The following TFDP2 variants were observed in gnomAD, a reference collection of about 807,000 sequenced individuals.
TFDP2 encodes transcription factor Dp-2.
TFDP2 carries 17 observed loss-of-function variants against 59.3 expected under a neutral mutation model. The observed-to-expected ratio is 0.29, with a 90% CI of 0.20 to 0.43. The LOEUF is 0.43. TFDP2 is among the 20% of genes least tolerant of loss of function. The pLI is 1.00. For synonymous variants in TFDP2, 180 were observed against 194.7 expected (o/e 0.92, Z 0.63); for missense variants, 391 against 528.8 (o/e 0.74, Z 2.56).
chr3:142,147,436 G>A (rs1257896562), intron 1 of TFDP2, among the ~76,000 whole-genome samples: 1 of 152,042 alleles, frequency 6.6e-6, no homozygotes, highest in Non-Finnish European at 1.5e-5. Flanking sequence ...TTATATTGAG[G>A]GCACACGGCT....
intron 3 of TFDP2, among the ~76,000 whole-genome samples, chr3:142,023,122 C>CAAAAAAA (rs765096570): frequency 8.5e-4 from 50 of 59,046 alleles, no homozygotes; most frequent in African/African-American, 1.3e-3. Context: ...CCCTCCGTCT[C>CAAAAAAA]AAAAAAAAAA....
chr3:142,000,258 G>A (rs1250704535), intron 4 of TFDP2: 7 of 702,628 alleles, frequency 1.0e-5, no homozygotes, highest in South Asian at 1.5e-5. Context: ...TCACTGTTCT[G>A]GAGGTTGCTG....
intron 2 of TFDP2, among the ~76,000 whole-genome samples, 174 bp downstream of exon 2, chr3:142,101,561 C>T (rs1282201599): frequency 6.6e-6 from 1 of 152,078 alleles, no homozygotes; most frequent in African/African-American, 2.4e-5. Context: ...CATTAGGGCA[C>T]CATATTCAAT....
intron 1 of TFDP2, among the ~76,000 whole-genome samples, chr3:142,137,338 T>C (rs2062772612): frequency 1.3e-5 from 2 of 152,222 alleles, no homozygotes; most frequent in African/African-American, 2.4e-5. Flanking sequence ...CAGGGACAAT[T>C]TGACTTCCTC....
At chr3:141,984,098 G>A (rs754526147) in intron 6 of TFDP2, among the ~76,000 whole-genome samples, 1 of 152,096 alleles carries the variant, frequency 6.6e-6, no homozygotes, top group African/African-American at 2.4e-5. Context: ...ATAAAATGTG[G>A]TATATACATA....
chr3:142,020,569 G>C lies in TFDP2; in HGVS notation c.83-15025C>G, dbSNP rs571244704. On this transcript the variant is annotated intron_variant, in intron 3 of 12. Coordinates refer to ENST00000489671, the MANE Select transcript of TFDP2 (RefSeq NM_001178139.2). ...AAGAAAGAAAGAAGAAAGTAACTCA[G>C]GCTCTGTAGGTCAACAGCATCACCT... 3.3e-5 allele frequency among the ~76,000 whole-genome samples: 5 copies of C among 151,474 alleles called. No individual in the cohort carries two copies. The South Asian group carries it at 1.0e-3, about 32-fold the overall frequency.
rs896765171 is a variant in TFDP2 at position 142,088,276 on chromosome 3, G to A, written c.82+4785C>T. Among the ~76,000 whole-genome samples, 4 of 151,770 alleles carry A rather than the reference G, an allele frequency of 2.6e-5. No homozygotes were observed. The East Asian group carries it at 7.7e-4, about 29-fold the overall frequency. On this transcript the variant is annotated intron_variant, in intron 3 of 12. Coordinates refer to ENST00000489671, the MANE Select transcript of TFDP2 (RefSeq NM_001178139.2). ...CATCTATACTGTTTTCCCTTCTGTA[G>A]TACTGGCTGGATATAACGCAACCCT...
intron 3 of TFDP2, among the ~76,000 whole-genome samples, chr3:142,054,635 G>A (rs1191540442): frequency 1.3e-5 from 2 of 152,046 alleles, no homozygotes; most frequent in African/African-American, 4.8e-5. Flanking sequence ...TGAAACAACT[G>A]GCATGTAGTA....
chr3:141,984,228 G>A (rs183308283), intron 6 of TFDP2, among the ~76,000 whole-genome samples: 75 of 152,338 alleles, frequency 4.9e-4, no homozygotes, highest in African/African-American at 1.7e-3. Flanking sequence ...TGGGTTGGGT[G>A]TGGTGGCTCA....
chr3:141,992,591 G>C (rs1176937574), intron 6 of TFDP2, among the ~76,000 whole-genome samples: 1 of 152,190 alleles, frequency 6.6e-6, no homozygotes, highest in African/African-American at 2.4e-5. Flanking sequence ...AGGACTTTCT[G>C]TTAGAGAGTA....
intron 4 of TFDP2, among the ~76,000 whole-genome samples, chr3:142,000,733 G>A (rs1248708245): frequency 6.6e-6 from 1 of 152,118 alleles, no homozygotes; most frequent in Non-Finnish European, 1.5e-5. Flanking sequence ...TGCAATGATG[G>A]GACAGGCACA....
At chr3:142,080,506 A>G (rs556458066) in intron 3 of TFDP2, among the ~76,000 whole-genome samples, 2 of 152,306 alleles carry the variant, frequency 1.3e-5, no homozygotes, top group South Asian at 4.2e-4. Flanking sequence ...TATCAACAAT[A>G]ACATCGAATG....
chr3:142,143,410 A>G (rs1382906190), intron 1 of TFDP2, among the ~76,000 whole-genome samples: 1 of 152,202 alleles, frequency 6.6e-6, no homozygotes, highest in Non-Finnish European at 1.5e-5. Context: ...ATGGGATCAC[A>G]TCAAGTAAAA....
At chr3:142,091,457 T>G (rs1240682168) in intron 3 of TFDP2, among the ~76,000 whole-genome samples, 1 of 151,974 alleles carries the variant, frequency 6.6e-6, no homozygotes, top group African/African-American at 2.4e-5. Flanking sequence ...TCCCATCTAC[T>G]TGGGAGGCTG....
chr3:142,040,318 C>T (rs867809297), intron 3 of TFDP2, among the ~76,000 whole-genome samples: 5 of 152,172 alleles, frequency 3.3e-5, no homozygotes, highest in African/African-American at 9.7e-5. Context: ...CTATGGTAGG[C>T]GCAGTGGCTT....
At chr3:142,045,643 C>T (rs1472998553) in intron 3 of TFDP2, among the ~76,000 whole-genome samples, 2 of 147,328 alleles carry the variant, frequency 1.4e-5, no homozygotes, top group Non-Finnish European at 3.0e-5. Flanking sequence ...GACCAAGTCT[C>T]GCTTTGTCAC....
chr3:142,029,591 AC>A (rs983638006), intron 3 of TFDP2, among the ~76,000 whole-genome samples: 1 of 152,190 alleles, frequency 6.6e-6, no homozygotes, highest in Non-Finnish European at 1.5e-5. Context: ...ATATCAGATA[AC>A]CATATGACTG....
chr3:142,036,730 G>A (rs1042495810), intron 3 of TFDP2, among the ~76,000 whole-genome samples: 1 of 152,088 alleles, frequency 6.6e-6, no homozygotes. Context: ...CAACTACCTT[G>A]GCCTTCTTTC....
intron 3 of TFDP2, among the ~76,000 whole-genome samples, chr3:142,063,185 C>T (rs955718140): frequency 6.6e-5 from 10 of 152,060 alleles, no homozygotes; most frequent in Admixed American, 3.9e-4. Flanking sequence ...TATATAGTAA[C>T]AGTCAATCAT....
Sources: allele counts gnomAD v4.1 joint callset (sites outside exome capture counted in the v4.1 genomes callset), GRCh38; gene constraint gnomAD v4.1.1; transcripts MANE v1.5; gene names NCBI Gene and HGNC (gene_info 2026-07-23, HGNC 2026-07-21).